CPOX: variants seen among roughly 807,000 people sequenced by gnomAD.
The protein encoded by CPOX is oxygen-dependent coproporphyrinogen-III oxidase, mitochondrial.
Under a neutral mutation model 48.9 loss-of-function variants are expected in CPOX, and 24 were observed. The observed-to-expected ratio is 0.49, with a 90% CI of 0.36 to 0.69. The LOEUF (loss-of-function observed/expected upper bound fraction) is 0.69. Among genes scored for constraint, CPOX ranks in the 30% least tolerant of loss-of-function variants. The pLI is 0.00. For missense variants in CPOX, 549 were observed against 597.3 expected, an observed-to-expected ratio of 0.92 and a Z score of 0.84; for synonymous variants, 249 against 234.6, an observed-to-expected ratio of 1.06 and a Z score of -0.56.
At chr3:98,585,301 T>C (rs1351445037) in intron 5 of CPOX, 140 bp downstream of exon 5, 2 of 760,346 alleles carry the variant, frequency 2.6e-6, no homozygotes, top group East Asian at 4.9e-5. Context: ...ACAATGTCTT[T>C]TAATTCACTT....
intron 5 of CPOX, among the ~76,000 whole-genome samples, chr3:98,581,954 T>C (rs1174467928): frequency 6.6e-6 from 1 of 152,230 alleles, no homozygotes; most frequent in Non-Finnish European, 1.5e-5. Context: ...TAAGATGGTG[T>C]AAAACTTCTG....
chr3:98,587,317 ATC>A (rs1707382866), intron 4 of CPOX, among the ~76,000 whole-genome samples: 1 of 152,010 alleles, frequency 6.6e-6, no homozygotes, highest in South Asian at 2.1e-4. Flanking sequence ...CTATTTCAAA[ATC>A]TCTCTTTAAA....
rs761403736 is a variant in CPOX at position 98,579,807 on chromosome 3, A to T, written c.*876T>A. 81 of 985,412 alleles carry T rather than the reference A, an allele frequency of 8.2e-5. No individual in the cohort carries two copies. Among genetic ancestry groups the T allele is most frequent in the Middle Eastern group, 5.2e-4 (1 of 1,936 alleles). The allele number at this position is 985,412 out of a possible 1,614,324, so 61.0% of individuals were successfully genotyped here. ...CTCATACTATATATACTTGCTTTAA[A>T]GAAGGAAATTATTTCTCATTTCATT... On this transcript the variant is annotated 3_prime_UTR_variant, in exon 7 of 7. Coordinates refer to ENST00000647941, the MANE Select transcript of CPOX (RefSeq NM_000097.7).
In CPOX at chr3:98,592,937, C is replaced by T. The variant is rs1256223375; in HGVS notation, c.556+12G>A. 6.2e-7 allele frequency: 1 copy of T among 1,609,232 alleles called. No homozygotes were observed. The highest frequency in any genetic ancestry group is 1.1e-5 in the South Asian group (1 of 90,092). On this transcript the variant is annotated intron_variant, in intron 1 of 6. Coordinates refer to ENST00000647941, the MANE Select transcript of CPOX (RefSeq NM_000097.7). ...CCTGTCTCCAACTCCCGCCAGGGGC[C>T]GGCCTCCTTACCTTCCTTCCTCTCC...
At chr3:98,582,510 T>A (rs1466446593) in intron 5 of CPOX, among the ~76,000 whole-genome samples, 1 of 151,934 alleles carries the variant, frequency 6.6e-6, no homozygotes, top group African/African-American at 2.4e-5. Flanking sequence ...TTTTTTTTTT[T>A]GAGATGGAAT....
downstream of CPOX, chr3:98,578,091 T>C (rs574656573): frequency 5.7e-6 from 1 of 174,282 alleles, no homozygotes; most frequent in African/African-American, 2.4e-5. Context: ...CATAAGACAG[T>C]TAGGTGTTCA....
chr3:98,571,706 G>GA, the CPOX span, among the ~76,000 whole-genome samples: 1 of 146,378 alleles, frequency 6.8e-6, no homozygotes, highest in Admixed American at 6.8e-5. Flanking sequence ...AAAGAAAAAA[G>GA]AAAAAAAAGA....
At chr3:98,581,603 C>T (rs533327342) in intron 5 of CPOX, 92 bp from the exon 6 acceptor site, 18 of 961,392 alleles carry the variant, frequency 1.9e-5, no homozygotes, top group African/African-American at 8.1e-5. Flanking sequence ...GTGGGTTCTT[C>T]CCCCCAGTTC....
At chr3:98,577,725 T>C (rs1707183220), downstream of CPOX, among the ~76,000 whole-genome samples, 1 of 152,228 alleles carries the variant, frequency 6.6e-6, no homozygotes, top group African/African-American at 2.4e-5. Flanking sequence ...CTTTGCCTTT[T>C]TCCATGGAAT....
In CPOX at chr3:98,579,579, G is replaced by C. The variant is rs367770478; in HGVS notation, c.*1104C>G. ...CGTGTTCCACGATAATGATATGTAT[G>C]AGATGCTCTTCCTTATAAACTTTAT... On this transcript the variant is annotated 3_prime_UTR_variant, in exon 7 of 7. Coordinates refer to ENST00000647941, the MANE Select transcript of CPOX (RefSeq NM_000097.7). The C allele has an allele frequency of 1.0e-6, 1 of 985,362 alleles. No individual in the cohort carries two copies. The allele number at this position is 985,362 out of a possible 1,614,324, so 61.0% of individuals were successfully genotyped here.
downstream of CPOX, among the ~76,000 whole-genome samples, chr3:98,575,947 C>T (rs1248340142): frequency 6.6e-6 from 1 of 152,028 alleles, no homozygotes; most frequent in Non-Finnish European, 1.5e-5. Flanking sequence ...TGGCACATGC[C>T]TGTAATCCCA....
intron 4 of CPOX, among the ~76,000 whole-genome samples, chr3:98,588,228 T>TTTGC (rs62751160): frequency 8.3e-5 from 1 of 12,034 alleles, no homozygotes; most frequent in Non-Finnish European, 1.4e-4. Context: ...TCTCCCAACT[T>TTTGC]TTGTTTGTTT....
chr3:98,572,745 G>A, the CPOX span, among the ~76,000 whole-genome samples: 5 of 152,072 alleles, frequency 3.3e-5, no homozygotes, highest in African/African-American at 7.2e-5. Flanking sequence ...CTGTAACTCC[G>A]GCCAGAGGTA....
chr3:98,584,783 C>A (rs557254182), intron 5 of CPOX, among the ~76,000 whole-genome samples: 27 of 152,294 alleles, frequency 1.8e-4, no homozygotes, highest in Non-Finnish European at 3.7e-4. Context: ...AGGCTCACTG[C>A]ACAGAACAGG....
At position 98,593,020 on chromosome 3, in the gene CPOX, TG is replaced by T; in HGVS notation, c.484del (p.Gln162ArgfsTer9). ...MELLILETQA[Q>X]VCQALAQVDG... ...TACCTGTGCCAGAGCCTGGCACACC[TG>T]GGCCTGGGTCTCCAGAATCAGCAGC... On this transcript the variant is annotated frameshift_variant, in exon 1 of 7. Coordinates refer to ENST00000647941, the MANE Select transcript of CPOX (RefSeq NM_000097.7). LOFTEE classifies it high-confidence loss of function. 1 of 1,613,892 alleles carries T rather than the reference TG, an allele frequency of 6.2e-7. No homozygotes were observed. Among genetic ancestry groups the T allele is most frequent in the East Asian group, 2.2e-5 (1 of 44,850 alleles).
Position 98,590,698 on chromosome 3 carries a change from G to T in CPOX, c.745C>A (p.Pro249Thr). Residue 249 changes from proline to threonine, a missense_variant, in exon 3 of 7, where the codon CCC becomes ACC. Transcript: ENST00000647941. ...CAMGVSSVIH[P>T]KNPHAPTIHF... ...ATAGTAGGAGCATGAGGATTCTTGG[G>T]GTGGATAACAGAGCTCACGCCCATA... The T allele has an allele frequency of 6.2e-7, 1 of 1,613,950 alleles. No homozygotes were observed. Among genetic ancestry groups the T allele is most frequent in the Admixed American group, 1.7e-5 (1 of 60,014 alleles).
downstream of CPOX, chr3:98,578,219 T>C (rs1490961195): frequency 1.1e-6 from 1 of 947,490 alleles, no homozygotes; most frequent in African/African-American, 1.8e-5. Flanking sequence ...AGTTATGCAA[T>C]TCTTTTCAGA....
At chr3:98,573,797 C>T in the CPOX span, among the ~76,000 whole-genome samples, 9 of 152,158 alleles carry the variant, frequency 5.9e-5, no homozygotes, top group African/African-American at 2.2e-4. Flanking sequence ...AACATATTAA[C>T]ATAGAGTATA....
At chr3:98,575,473 GTA>G (rs1207810659), downstream of CPOX, among the ~76,000 whole-genome samples, 12 of 152,190 alleles carry the variant, frequency 7.9e-5, no homozygotes, top group African/African-American at 9.7e-5. Flanking sequence ...TGCTCTGCTG[GTA>G]TATGTTAGTG....
Sources: allele counts gnomAD v4.1 joint callset (sites outside exome capture counted in the v4.1 genomes callset), GRCh38; gene constraint gnomAD v4.1.1; transcripts MANE v1.5; gene names NCBI Gene and HGNC (gene_info 2026-07-23, HGNC 2026-07-21).